The following MYH9 variants were observed in gnomAD, a reference collection of about 807,000 sequenced individuals.
MYH9 encodes the protein myosin heavy chain 9, also known as myosin-9.
A neutral mutation model predicts 241.9 loss-of-function variants in MYH9; 29 were observed. That is an observed-to-expected ratio of 0.12 (90% CI 0.09 to 0.16). The LOEUF is 0.16. Ranked by LOEUF, MYH9 falls within the 10% of genes least tolerant of loss-of-function variation. The pLI is 1.00. For missense variants in MYH9, 1,803 were observed against 2,595.5 expected, an observed-to-expected ratio of 0.69 and a Z score of 6.63; for synonymous variants, 1,047 against 1,062.6, an observed-to-expected ratio of 0.99 and a Z score of 0.29.
intron 15 of MYH9, among the ~76,000 whole-genome samples, chr22:36,307,924 T>C (rs1020932994): frequency 1.4e-4 from 21 of 151,660 alleles, no homozygotes; most frequent in African/African-American, 5.1e-4. Context: ...TTTGACCTTA[T>C]GTACCCACCA....
rs772948183 is a variant in MYH9 at position 36,297,012 on chromosome 22, G to A, written c.3103C>T (p.Arg1035Cys). 14 of 1,613,686 alleles carry A rather than the reference G, an allele frequency of 8.7e-6. No individual in the cohort carries two copies. Among genetic ancestry groups the A allele is most frequent in the African/African-American group, 2.7e-5 (2 of 74,940 alleles). ...HEAMITDLEE[R>C]LRREEKQRQE... is the part of the protein sequence containing the mutation. ...CGCTGCTTCTCCTCCCTGCGGAGGCGCTCTGCAATGCAGGGGGAGCCCACA... is the reference window on the plus strand; with the variant it reads ...CGCTGCTTCTCCTCCCTGCGGAGGCACTCTGCAATGCAGGGGGAGCCCACA... The change falls in exon 25 of 41, where the codon CGC becomes TGC. Residue 1035 changes from arginine (R) to cysteine (C), a missense_variant and splice_region_variant. Transcript: ENST00000216181.
At position 36,306,070 on chromosome 22, in the gene MYH9, G is replaced by A. The variant is rs923566315; in HGVS notation, c.2038-19C>T. 43 of 1,612,504 alleles carry A rather than the reference G, an allele frequency of 2.7e-5. No individual in the cohort carries two copies. The highest frequency in any genetic ancestry group is 3.6e-5 in the Non-Finnish European group (42 of 1,179,994). ...TGCCGGCCTGGAGAAGAAAACACATGCATGCGGTCTCACTTCCGTGCCTAG... is the reference window on the plus strand; with the variant it reads ...TGCCGGCCTGGAGAAGAAAACACATACATGCGGTCTCACTTCCGTGCCTAG... On this transcript the variant is annotated intron_variant, in intron 16 of 40. Coordinates refer to ENST00000216181, the MANE Select transcript of MYH9 (RefSeq NM_002473.6). This position sits in a 1 kb window ranked among gnomAD's most constrained non-coding sequence, Gnocchi z 4.1.
Position 36,330,671 on chromosome 22 carries a change from C to T in MYH9, c.491-3183G>A, listed in dbSNP as rs1322546687. 6.6e-6 allele frequency among the ~76,000 whole-genome samples: 1 copy of T among 152,082 alleles called. No homozygotes were observed. The highest frequency in any genetic ancestry group is 2.4e-5 in the African/African-American group (1 of 41,408). The stretch of plus-strand genomic sequence containing the variant: ...TAGTGGAGACTGCCATTGGCGCCCA[C>T]CCCATCAACCCTTCCCCGCACTGTC... On this transcript the variant is annotated intron_variant, in intron 3 of 40. Coordinates refer to ENST00000216181, the MANE Select transcript of MYH9 (RefSeq NM_002473.6). This position sits in a 1 kb window ranked among gnomAD's most constrained non-coding sequence, Gnocchi z 4.5.
rs1338017823 is a variant in MYH9, at chr22:36,284,484, C to T, written c.5511G>A (p.Val1837=). ...TKERQAACKQ[V]RRTEKKLKDV... ...CCTTCAGCTTCTTCTCGGTCCGACGCACCTGTTTGCAGGCTGCCTGGCGCT... is the reference window on the plus strand; with the variant it reads ...CCTTCAGCTTCTTCTCGGTCCGACGTACCTGTTTGCAGGCTGCCTGGCGCT... The change falls in exon 39 of 41, where the codon GTG becomes GTA. Residue 1837 remains valine, a synonymous_variant. Coordinates refer to ENST00000216181, the MANE Select transcript of MYH9 (RefSeq NM_002473.6). 6.8e-6 allele frequency: 11 copies of T among 1,613,128 alleles called. No homozygotes were observed. The highest frequency in any genetic ancestry group is 9.3e-6 in the Non-Finnish European group (11 of 1,180,044).
In MYH9 at chr22:36,310,107, G is replaced by A. The variant is rs139810954; in HGVS notation, c.1729-711C>T. Among the ~76,000 whole-genome samples the A allele has an allele frequency of 4.1e-3, 619 of 152,106 alleles. 4 individuals are homozygous for A. Among genetic ancestry groups the A allele is most frequent in the Non-Finnish European group, 4.6e-3 (311 of 67,986 alleles). The stretch of plus-strand genomic sequence containing the variant: ...TCTATTAAAAATACAAAAATTAGCC[G>A]GGCGTGGTGGCACGTGCCTGTAATC... On this transcript the variant is annotated intron_variant, in intron 14 of 40. Transcript: ENST00000216181.
At chr22:36,370,887 T>C (rs761380363) in intron 1 of MYH9, among the ~76,000 whole-genome samples, 27 of 152,178 alleles carry the variant, frequency 1.8e-4, no homozygotes, top group Non-Finnish European at 4.0e-4. Context: ...AGGAGGGGCA[T>C]TGATACTTAT....
intron 2 of MYH9, among the ~76,000 whole-genome samples, chr22:36,342,768 T>G (rs2146386036): frequency 6.6e-6 from 1 of 152,280 alleles, no homozygotes; most frequent in East Asian, 1.9e-4. Context: ...AAAATGGGCC[T>G]GAGGGGCCTG....
At chr22:36,344,243 G>A (rs78965651) in intron 2 of MYH9, among the ~76,000 whole-genome samples, 193 of 152,360 alleles carry the variant, frequency 1.3e-3, no homozygotes, top group Non-Finnish European at 2.3e-3. Context: ...GCCACGACAC[G>A]GCGCTGCTCC....
intron 1 of MYH9, among the ~76,000 whole-genome samples, chr22:36,351,862 GC>G (rs1265403081): frequency 6.6e-6 from 1 of 152,042 alleles, no homozygotes; most frequent in African/African-American, 2.4e-5. Context: ...GGACATCGGT[GC>G]CCCTCACGAG....
chr22:36,286,654 G>GC, intron 35 of MYH9, 64 bp downstream of exon 35: 4 of 1,603,268 alleles, frequency 2.5e-6, no homozygotes, highest in East Asian at 2.2e-5. Context: ...TCAGCTGAAA[G>GC]CCCCACGCTG....
chr22:36,378,837 G>A (rs1030819986), intron 1 of MYH9, among the ~76,000 whole-genome samples: 1 of 152,064 alleles, frequency 6.6e-6, no homozygotes, highest in Non-Finnish European at 1.5e-5. Flanking sequence ...AAAAAAAAGA[G>A]AGTCACCATT....
chr22:36,282,839 G>T, intron 40 of MYH9, 54 bp from the exon 41 acceptor site: 1 of 1,468,458 alleles, frequency 6.8e-7, no homozygotes, highest in East Asian at 2.4e-5. Flanking sequence ...GCCAGGGGCG[G>T]CCACAGCACA....
At chr22:36,374,172 C>G (rs1242619025) in intron 1 of MYH9, among the ~76,000 whole-genome samples, 1 of 152,002 alleles carries the variant, frequency 6.6e-6, no homozygotes, top group Non-Finnish European at 1.5e-5. Flanking sequence ...CACCTGAAAT[C>G]AGGAGTTCAA....
chr22:36,341,966 C>T (rs767831387), intron 2 of MYH9, among the ~76,000 whole-genome samples: 2 of 152,260 alleles, frequency 1.3e-5, no homozygotes, highest in African/African-American at 2.4e-5. Flanking sequence ...CACTGAAGGA[C>T]GCTGAGAGAT....
At chr22:36,353,642 C>G (rs1480646703) in intron 1 of MYH9, among the ~76,000 whole-genome samples, 1 of 152,184 alleles carries the variant, frequency 6.6e-6, no homozygotes, top group Non-Finnish European at 1.5e-5. Context: ...GCATGAGCCA[C>G]TGTGCCCAGG....
chr22:36,314,428 C>A, intron 12 of MYH9, 110 bp from the exon 13 acceptor site: 1 of 1,334,308 alleles, frequency 7.5e-7, no homozygotes, highest in Non-Finnish European at 1.1e-6. Flanking sequence ...CCTCCTTGGG[C>A]ACCTCCATGC....
intron 14 of MYH9, 59 bp downstream of exon 14, chr22:36,311,990 C>G (rs1305681286): frequency 1.7e-5 from 28 of 1,600,200 alleles, no homozygotes; most frequent in Middle Eastern, 4.1e-4. Context: ...TCCTAGAGAG[C>G]CTCGACTCCA....
rs28478212 is a variant in MYH9 at position 36,338,548 on chromosome 22, G to A, written c.490+2822C>T. On this transcript the variant is annotated intron_variant, in intron 3 of 40. Coordinates refer to ENST00000216181, the MANE Select transcript of MYH9 (RefSeq NM_002473.6). ...TGAAATCGCCCACCTGGCTGGGTGC[G>A]GTGGCTCACACCTATAATCCCAGCA... Among the ~76,000 whole-genome samples the A allele has an allele frequency of 5.5e-3, 837 of 151,194 alleles. 12 individuals are homozygous for A. Among genetic ancestry groups the A allele is most frequent in the African/African-American group, 0.019 (777 of 41,180 alleles).
At chr22:36,380,102 T>C (rs983374322) in intron 1 of MYH9, among the ~76,000 whole-genome samples, 2 of 152,190 alleles carry the variant, frequency 1.3e-5, no homozygotes, top group African/African-American at 4.8e-5. Context: ...TGTGTGCTCA[T>C]GTGTGACTCA....
Sources: allele counts gnomAD v4.1 joint callset (sites outside exome capture counted in the v4.1 genomes callset), GRCh38; gene constraint gnomAD v4.1.1; non-coding constraint Gnocchi (gnomAD v3.1); transcripts MANE v1.5; gene names NCBI Gene and HGNC (gene_info 2026-07-23, HGNC 2026-07-21).